The following ARL15 variants were observed in gnomAD, a reference collection of about 807,000 sequenced individuals.
ARL15 encodes the protein ARF like GTPase 15, also known as ADP-ribosylation factor-like protein 15.
ARL15 carries 19 observed loss-of-function variants against 25.2 expected under a neutral mutation model. The ratio of observed to expected loss-of-function variants is 0.75; its 90% CI spans 0.53 to 1.10. The LOEUF (loss-of-function observed/expected upper bound fraction) is 1.10. ARL15 is among the 50% of genes least tolerant of loss of function. The pLI is 0.00. For missense variants in ARL15, 220 were observed against 246.0 expected (o/e 0.89, Z 0.71); for synonymous variants, 94 against 86.8 (o/e 1.08, Z -0.46).
chr5:54,212,795 G>A (rs192407695), intron 1 of ARL15, among the ~76,000 whole-genome samples: 1 of 152,302 alleles, frequency 6.6e-6, no homozygotes, highest in East Asian at 1.9e-4. Flanking sequence ...ACAAATAAGA[G>A]TGAATCTACT....
At chr5:53,954,694 C>T (rs1239597509) in intron 4 of ARL15, among the ~76,000 whole-genome samples, 1 of 152,136 alleles carries the variant, frequency 6.6e-6, no homozygotes, top group African/African-American at 2.4e-5. Context: ...CATAAATAGA[C>T]TCATTTAATA....
intron 1 of ARL15, among the ~76,000 whole-genome samples, chr5:54,302,464 A>G (rs777647785): frequency 2.0e-5 from 3 of 152,078 alleles, no homozygotes; most frequent in Admixed American, 6.6e-5. Flanking sequence ...TCCAAGGAAA[A>G]CACTCAGCAC....
rs138158086 is a variant in ARL15 at position 54,043,355 on chromosome 5, A to G, written c.462+69847T>C. ...GTGTTTTGGATGTAGCAGGCTCTCAATAAGGCTCTGAGTGAATGGTAGTCA... is the reference window on the plus strand; with the variant it reads ...GTGTTTTGGATGTAGCAGGCTCTCAGTAAGGCTCTGAGTGAATGGTAGTCA... On this transcript the variant is annotated intron_variant, in intron 4 of 4. Coordinates refer to ENST00000504924, the MANE Select transcript of ARL15 (RefSeq NM_019087.3). Among the ~76,000 whole-genome samples, 82 of 152,282 alleles carry G rather than the reference A, an allele frequency of 5.4e-4. 1 individual carries two copies. Among genetic ancestry groups the G allele is most frequent in the African/African-American group, 1.8e-3 (73 of 41,558 alleles).
At chr5:53,990,564 G>A (rs1748451419) in intron 4 of ARL15, among the ~76,000 whole-genome samples, 1 of 152,170 alleles carries the variant, frequency 6.6e-6, no homozygotes, top group Non-Finnish European at 1.5e-5. Context: ...TAAGCTTGGT[G>A]CGTTCAAAGA....
chr5:53,975,834 T>C (rs1045495673), intron 4 of ARL15, among the ~76,000 whole-genome samples: 1 of 152,184 alleles, frequency 6.6e-6, no homozygotes, highest in Non-Finnish European at 1.5e-5. Flanking sequence ...GGAACATCAG[T>C]ACAGCTGCTT....
At chr5:54,305,439 G>A (rs1387422794) in intron 1 of ARL15, among the ~76,000 whole-genome samples, 1 of 151,764 alleles carries the variant, frequency 6.6e-6, no homozygotes, top group East Asian at 1.9e-4. Context: ...CAGCCTGCAT[G>A]ACAAGAGCAA....
At chr5:54,163,897 A>G (rs1754494630) in intron 2 of ARL15, among the ~76,000 whole-genome samples, 1 of 151,558 alleles carries the variant, frequency 6.6e-6, no homozygotes, top group Admixed American at 6.6e-5. Context: ...TATTTCATTG[A>G]TTTCTACTTT....
rs575586415 is a variant in ARL15, at chr5:53,886,832, C to G, written c.463-119G>C. 5.3e-6 allele frequency: 5 copies of G among 935,602 alleles called. No homozygotes were observed. The Admixed American group carries it at 8.4e-5, about 16-fold the overall frequency. The allele number at this position is 935,602 out of a possible 1,614,324, so 58.0% of individuals were successfully genotyped here. On this transcript the variant is annotated intron_variant, in intron 4 of 4. Transcript: ENST00000504924. ...GGCGGAATTTATACGAACTGTGATG[C>G]CTACAACTTTGCAATGTGGATGCCT...
intron 1 of ARL15, among the ~76,000 whole-genome samples, chr5:54,200,647 A>G (rs1014080214): frequency 1.3e-5 from 2 of 152,176 alleles, no homozygotes; most frequent in Admixed American, 1.3e-4. Context: ...GGTTACCTGT[A>G]CTAGGGTTAG....
intron 2 of ARL15, among the ~76,000 whole-genome samples, chr5:54,170,129 C>T (rs545998768): frequency 2.6e-5 from 4 of 152,294 alleles, no homozygotes; most frequent in South Asian, 2.1e-4. Flanking sequence ...CCAACCATCA[C>T]GTAAGCCAGG....
chr5:54,071,688 C>T (rs1304738528), intron 4 of ARL15, among the ~76,000 whole-genome samples: 1 of 151,896 alleles, frequency 6.6e-6, no homozygotes. Flanking sequence ...ATAAGAGCTA[C>T]CGGCCAGGCG....
At chr5:54,004,071 A>C (rs1748939344) in intron 4 of ARL15, among the ~76,000 whole-genome samples, 1 of 152,220 alleles carries the variant, frequency 6.6e-6, no homozygotes, top group African/African-American at 2.4e-5. Flanking sequence ...ACTTTCCTTC[A>C]GTAACCAATT....
intron 2 of ARL15, among the ~76,000 whole-genome samples, chr5:54,163,237 GAATA>G (rs1456524043): frequency 4.0e-5 from 6 of 151,504 alleles, no homozygotes; most frequent in South Asian, 4.2e-4. Flanking sequence ...TGCATTCCTA[GAATA>G]AATGTCACAT....
In ARL15 at chr5:54,259,026, C is replaced by T. The variant is rs1034384367; in HGVS notation, c.48+51406G>A. On this transcript the variant is annotated intron_variant, in intron 1 of 4. Coordinates refer to ENST00000504924, the MANE Select transcript of ARL15 (RefSeq NM_019087.3). ...CAACCCTTGTTGTCCAGTGGAGACA[C>T]TTTCAATCCAGCCAAGCTATCCTCT... 9.8e-5 allele frequency among the ~76,000 whole-genome samples: 15 copies of T among 152,330 alleles called. No individual in the cohort carries two copies. The East Asian group carries it at 2.9e-3, about 29-fold the overall frequency.
chr5:54,290,859 G>A (rs775329382), intron 1 of ARL15, among the ~76,000 whole-genome samples: 1 of 152,028 alleles, frequency 6.6e-6, no homozygotes, highest in Non-Finnish European at 1.5e-5. Flanking sequence ...AGAAATCATT[G>A]TTTAGGGGTT....
chr5:54,145,170 T>G (rs1369046297), intron 3 of ARL15, among the ~76,000 whole-genome samples: 1 of 152,162 alleles, frequency 6.6e-6, no homozygotes, highest in African/African-American at 2.4e-5. Context: ...ACTTCCAATT[T>G]TCAATCATGT....
rs548315866 is a variant in ARL15 at position 54,216,590 on chromosome 5, T to C, written c.49-44662A>G. On this transcript the variant is annotated intron_variant, in intron 1 of 4. Transcript: ENST00000504924. The stretch of plus-strand genomic sequence containing the variant: ...CCAGCACATTTTATTTTATAGCAGT[T>C]ATAATAGTTGTCTCTATATTATGGG... Among the ~76,000 whole-genome samples, 4 of 152,236 alleles carry C rather than the reference T, an allele frequency of 2.6e-5. No individual in the cohort carries two copies. In the East Asian group the frequency reaches 5.8e-4, roughly 22 times the overall value.
At position 54,215,114 on chromosome 5, in the gene ARL15, C is replaced by T. The variant is rs549390276; in HGVS notation, c.49-43186G>A. 5.9e-5 allele frequency among the ~76,000 whole-genome samples: 9 copies of T among 152,202 alleles called. No individual in the cohort carries two copies. The South Asian group carries it at 1.9e-3, about 32-fold the overall frequency. On this transcript the variant is annotated intron_variant, in intron 1 of 4. Transcript: ENST00000504924. The stretch of plus-strand genomic sequence containing the variant: ...CTTGGGGGTGGGGAGGAGGCCTTTC[C>T]CTAATCAATACTGCTCCTAAGCCGC...
At chr5:53,894,196 G>T (rs1744801720) in intron 4 of ARL15, among the ~76,000 whole-genome samples, 1 of 152,320 alleles carries the variant, frequency 6.6e-6, no homozygotes, top group South Asian at 2.1e-4. Flanking sequence ...CTAAAGTTCA[G>T]TGCAGCCTAC....
Sources: gnomAD v4.1 joint callset for allele counts (sites outside exome capture counted in the v4.1 genomes callset) on GRCh38, gnomAD v4.1.1 for gene constraint, MANE v1.5 for transcripts, NCBI Gene and HGNC (gene_info 2026-07-23, HGNC 2026-07-21) for gene names.